The following SPATA6L variants were observed in gnomAD, a reference collection of about 807,000 sequenced individuals.
The protein encoded by SPATA6L is spermatogenesis associated 6 like.
A neutral mutation model predicts 49.2 loss-of-function variants in SPATA6L; 68 were observed. The observed-to-expected ratio is 1.38, with a 90% CI of 1.14 to 1.69. The LOEUF is 1.69. Ranked by LOEUF, SPATA6L falls within the 40% of genes most tolerant of loss-of-function variation. The probability of loss-of-function intolerance (pLI) is 0.00; values close to 1 mark genes in which losing one functional copy is unlikely to be tolerated. For missense variants in SPATA6L, 668 were observed against 464.3 expected, an observed-to-expected ratio of 1.44 and a Z score of -4.03; for synonymous variants, 198 against 165.7, an observed-to-expected ratio of 1.19 and a Z score of -1.50.
At chr9:4,626,381 G>A (rs1204884431) in intron 5 of SPATA6L, 2 of 1,295,308 alleles carry the variant, frequency 1.5e-6, no homozygotes, top group East Asian at 5.5e-5. Context: ...GCAGTGAGCA[G>A]TGCCCCTCCT....
At chr9:4,591,289 C>T (rs1821884528) in intron 13 of SPATA6L, among the ~76,000 whole-genome samples, 1 of 152,280 alleles carries the variant, frequency 6.6e-6, no homozygotes, top group African/African-American at 2.4e-5. Context: ...ATTTAAAGAG[C>T]CCTTGTGTTG....
In SPATA6L at chr9:4,666,267, G is replaced by A; in HGVS notation, c.-17C>T. The A allele has an allele frequency of 1.2e-6, 2 of 1,614,096 alleles. No homozygotes were observed. The highest frequency in any genetic ancestry group is 3.3e-5 in the Admixed American group (2 of 60,026). ...CAGAGGCATCGTTCCCTGCGTGGGC[G>A]AAAGGACTGGAATGAGAAGATCCTT... On this transcript the variant is annotated 5_prime_UTR_variant, in exon 1 of 12. Transcript: ENST00000682582.
intron 3 of SPATA6L, among the ~76,000 whole-genome samples, chr9:4,653,873 G>A (rs111681778): frequency 3.9e-5 from 6 of 152,284 alleles, no homozygotes; most frequent in African/African-American, 1.4e-4. Flanking sequence ...GAAAGTTGAG[G>A]CTTCAGTAAG....
chr9:4,623,298 A>T (rs1448670063), intron 6 of SPATA6L, among the ~76,000 whole-genome samples: 2 of 151,722 alleles, frequency 1.3e-5, no homozygotes, highest in Admixed American at 6.6e-5. Context: ...TAATAATAAT[A>T]AATAATAATA....
intron 3 of SPATA6L, among the ~76,000 whole-genome samples, chr9:4,652,272 A>C (rs1265830817): frequency 6.6e-6 from 1 of 152,068 alleles, no homozygotes; most frequent in African/African-American, 2.4e-5. Flanking sequence ...AATACAAAAA[A>C]TTAGCCGGGT....
chr9:4,618,049 G>T lies in SPATA6L; in HGVS notation c.869C>A (p.Ser290Ter). The change falls in exon 9 of 12, where the codon TCA becomes TAA. Residue 290 changes from serine (S) to a stop codon, truncating the protein, a stop_gained. Transcript: ENST00000682582. LOFTEE classifies it high-confidence loss of function. ...GGATGAAGACTTTCCAAACTGACTT[G>T]AATCTAAACATGATGATGAGTCACT... ...LRSDSSSCLD[S>*]SQFGKSSSSK... 6.2e-7 allele frequency: 1 copy of T among 1,613,982 alleles called. No individual in the cohort carries two copies. The highest frequency in any genetic ancestry group is 1.1e-5 in the South Asian group (1 of 91,018).
chr9:4,628,893 G>C (rs941945428), intron 5 of SPATA6L, 198 bp downstream of exon 5: 15 of 519,820 alleles, frequency 2.9e-5, no homozygotes, highest in Non-Finnish European at 5.0e-5. Flanking sequence ...GCTGCCAAAC[G>C]TATGTACCAA....
chr9:4,604,693 T>C (rs1000760411), intron 10 of SPATA6L, among the ~76,000 whole-genome samples: 6 of 152,216 alleles, frequency 3.9e-5, no homozygotes, highest in Non-Finnish European at 8.8e-5. Context: ...CCTGCAAATC[T>C]AGCATATGTC....
At chr9:4,614,308 C>G (rs1252500664) in intron 9 of SPATA6L, among the ~76,000 whole-genome samples, 1 of 152,220 alleles carries the variant, frequency 6.6e-6, no homozygotes, top group Non-Finnish European at 1.5e-5. Context: ...CTTGGGTTGA[C>G]TCTCATTCCA....
chr9:4,650,578 C>T (rs1564301756), intron 3 of SPATA6L, among the ~76,000 whole-genome samples: 1 of 151,960 alleles, frequency 6.6e-6, no homozygotes. Context: ...GCTACACTAA[C>T]CAAGAAAAAA....
intron 9 of SPATA6L, among the ~76,000 whole-genome samples, chr9:4,609,465 T>A (rs1826126370): frequency 6.6e-6 from 1 of 152,174 alleles, no homozygotes; most frequent in African/African-American, 2.4e-5. Context: ...GTGGGCTTCA[T>A]CCCTGGGATG....
intron 2 of SPATA6L, among the ~76,000 whole-genome samples, chr9:4,660,558 C>T (rs933944954): frequency 9.2e-5 from 14 of 152,292 alleles, no homozygotes; most frequent in African/African-American, 3.1e-4. Flanking sequence ...TGTGGAGAAA[C>T]AGGAACACCT....
Position 4,589,090 on chromosome 9 carries a change from C to G in SPATA6L, c.*255-129G>C, listed in dbSNP as rs576483461. On this transcript the variant is annotated intron_variant and NMD_transcript_variant, in intron 13 of 13. Transcript: ENST00000461761. ...CTATGGAACACGATGAGTGGGCACA[C>G]AGCTCTGATTCCTTACCAGCTTTGT... 2.6e-5 allele frequency: 4 copies of G among 152,372 alleles called. No individual in the cohort carries two copies. The East Asian group carries it at 7.7e-4, about 29-fold the overall frequency. 9.4% of individuals were successfully genotyped at this position (152,372 alleles called of 1,614,324 possible). A position where few individuals can be genotyped will look rare whatever the true frequency, so the allele number is the denominator to read the frequency against.
intron 5 of SPATA6L, chr9:4,627,792 G>C (rs115339705): frequency 7.8e-7 from 1 of 1,289,368 alleles, no homozygotes; most frequent in East Asian, 5.5e-5. Flanking sequence ...ATCAGCCTCA[G>C]CAAAAGAAAG....
chr9:4,592,091 G>T (rs1446011932), intron 13 of SPATA6L, among the ~76,000 whole-genome samples: 2 of 152,146 alleles, frequency 1.3e-5, no homozygotes, highest in Admixed American at 6.5e-5. Flanking sequence ...GAGGCGGGTG[G>T]ATCATCTGAG....
At chr9:4,608,861 G>GT (rs1404477459) in intron 9 of SPATA6L, among the ~76,000 whole-genome samples, 2 of 152,146 alleles carry the variant, frequency 1.3e-5, no homozygotes, top group East Asian at 3.9e-4. Flanking sequence ...CCAGGATCTG[G>GT]TTTTTTGAAA....
At chr9:4,594,081 C>T (rs1344845545), downstream of SPATA6L, among the ~76,000 whole-genome samples, 1 of 152,172 alleles carries the variant, frequency 6.6e-6, no homozygotes, top group Non-Finnish European at 1.5e-5. Flanking sequence ...ACCTCAGATC[C>T]CCACCTCCAA....
chr9:4,607,719 G>A (rs1446515923), intron 9 of SPATA6L, among the ~76,000 whole-genome samples: 2 of 152,106 alleles, frequency 1.3e-5, no homozygotes, highest in East Asian at 3.9e-4. Context: ...GTCGAGACTA[G>A]GAAGAAACTG....
chr9:4,637,508 C>G (rs542541392), intron 3 of SPATA6L, among the ~76,000 whole-genome samples: 1 of 152,286 alleles, frequency 6.6e-6, no homozygotes, highest in African/African-American at 2.4e-5. Flanking sequence ...GTACATTATT[C>G]TACTGCTGGC....
Sources: gnomAD v4.1 joint callset for allele counts (sites outside exome capture counted in the v4.1 genomes callset) on GRCh38, gnomAD v4.1.1 for gene constraint, MANE v1.5 for transcripts, NCBI Gene and HGNC (gene_info 2026-07-23, HGNC 2026-07-21) for gene names.